COL13A1: variants seen among roughly 807,000 people sequenced by gnomAD.
COL13A1 encodes collagen alpha-1(XIII) chain.
In COL13A1, 89 loss-of-function variants were observed where a neutral mutation model predicts 130.9. The observed-to-expected ratio is 0.68, with a 90% CI of 0.57 to 0.81. The LOEUF (loss-of-function observed/expected upper bound fraction) is 0.81, where lower values mean the gene tolerates loss of function less well. Ranked by LOEUF, COL13A1 falls within the 30% of genes least tolerant of loss-of-function variation. The pLI, the probability that COL13A1 is intolerant of heterozygous loss-of-function variation, is 0.00. For missense variants in COL13A1, 879 were observed against 934.6 expected (o/e 0.94, Z 0.78); for synonymous variants, 402 against 341.6 (o/e 1.18, Z -1.95).
chr10:69,879,911 C>G (rs1225739817), intron 6 of COL13A1, among the ~76,000 whole-genome samples: 1 of 152,308 alleles, frequency 6.6e-6, no homozygotes, highest in African/African-American at 2.4e-5. Flanking sequence ...CTTTCAGGGT[C>G]AGGGATGCTG....
chr10:69,822,507 C>A, intron 2 of COL13A1, 69 bp downstream of exon 2: 1 of 1,245,318 alleles, frequency 8.0e-7, no homozygotes, highest in Non-Finnish European at 1.1e-6. Context: ...TTCCTGGTGG[C>A]CATGCTCTAG....
intron 2 of COL13A1, among the ~76,000 whole-genome samples, chr10:69,835,834 A>T (rs1446516636): frequency 6.6e-6 from 1 of 152,132 alleles, no homozygotes; most frequent in Non-Finnish European, 1.5e-5. Flanking sequence ...TAGTAATGAT[A>T]ACAACAACAT....
chr10:69,895,654 T>TG, intron 13 of COL13A1, 78 bp downstream of exon 13: 1 of 1,498,270 alleles, frequency 6.7e-7, no homozygotes, highest in Non-Finnish European at 9.3e-7. Flanking sequence ...CTCATCTCCC[T>TG]GGGGTCTCCA....
chr10:69,876,560 A>G (rs76099565), intron 5 of COL13A1, among the ~76,000 whole-genome samples: 13,753 of 152,172 alleles, frequency 0.09, 801 homozygotes, highest in Middle Eastern at 0.15. Flanking sequence ...AGAGCAGAGC[A>G]CAGTGGAATT....
rs559882654 is a variant in COL13A1, at chr10:69,811,314, T to C, written c.294+8597T>C. Among the ~76,000 whole-genome samples the C allele has an allele frequency of 1.6e-4, 24 of 152,308 alleles. No individual in the cohort carries two copies. In the South Asian group the frequency reaches 3.9e-3, roughly 25 times the overall value. ...TGTTGTGGGTCCTGAGCTTCTGCCA[T>C]AGAGGGACTTTGCACCCGCTGCCCT... On this transcript the variant is annotated intron_variant, in intron 1 of 40. Transcript: ENST00000645393.
At chr10:69,903,103 G>T (rs1306451254) in intron 15 of COL13A1, among the ~76,000 whole-genome samples, 1 of 152,180 alleles carries the variant, frequency 6.6e-6, no homozygotes, top group Non-Finnish European at 1.5e-5. Flanking sequence ...TGGCCTGCCT[G>T]CCCCGTTCCC....
chr10:69,868,331 A>G (rs1412387577), intron 3 of COL13A1, among the ~76,000 whole-genome samples: 1 of 152,102 alleles, frequency 6.6e-6, no homozygotes, highest in Non-Finnish European at 1.5e-5. Flanking sequence ...ATGGTTATGT[A>G]AGAGAGAGCG....
At chr10:69,851,364 G>A (rs759144240) in intron 2 of COL13A1, among the ~76,000 whole-genome samples, 8 of 152,172 alleles carry the variant, frequency 5.3e-5, no homozygotes, top group Non-Finnish European at 1.0e-4. Context: ...TGCCCTGGGG[G>A]AAAATGCCAA....
rs536185562 is a variant in COL13A1 at position 69,832,842 on chromosome 10, G to A, written c.364+10404G>A. 5.9e-5 allele frequency among the ~76,000 whole-genome samples: 9 copies of A among 152,338 alleles called. No homozygotes were observed. In the South Asian group the frequency reaches 1.9e-3, roughly 32 times the overall value. On this transcript the variant is annotated intron_variant, in intron 2 of 40. Transcript: ENST00000645393. ...GACTTGCCTTAAAGGCTGTGTTTGT[G>A]CCCCTTCTCCAGACAGAGTCGGGCA...
rs538394896 is a variant in COL13A1 at position 69,929,067 on chromosome 10, C to G, written c.1485+68C>G. The G allele has an allele frequency of 9.9e-5, 125 of 1,259,558 alleles. 1 individual carries two copies. In the South Asian group the frequency reaches 1.2e-3, roughly 12 times the overall value. 78.0% of individuals were successfully genotyped at this position (1,259,558 alleles called of 1,614,324 possible). A position where few individuals can be genotyped will look rare whatever the true frequency, so the allele number is the denominator to read the frequency against. On this transcript the variant is annotated intron_variant, in intron 28 of 40. Transcript: ENST00000645393. Reference sequence around the variant, plus strand: ...CATCGACCCCAGGGCTTCCCCTCCCCCTGTGACCCTCTCATCTTCCCAGCA... The same window carrying G: ...CATCGACCCCAGGGCTTCCCCTCCCGCTGTGACCCTCTCATCTTCCCAGCA...
intron 4 of COL13A1, among the ~76,000 whole-genome samples, chr10:69,872,947 C>T (rs1043811210): frequency 5.3e-5 from 8 of 152,232 alleles, no homozygotes; most frequent in African/African-American, 1.9e-4. Flanking sequence ...CTGTGCTCCA[C>T]CTTCAAAACC....
rs376391149 is a variant in COL13A1, at chr10:69,958,706, T to G, written c.*5T>G. On this transcript the variant is annotated 3_prime_UTR_variant, in exon 41 of 41. Coordinates refer to ENST00000645393, the MANE Select transcript of COL13A1 (RefSeq NM_001368882.1). ...TTTGTTTTTGTTTTGCAGTGATGCC[T>G]CTAACCTTGGATTGGCCTGTGTGTG... 2.0e-5 allele frequency: 33 copies of G among 1,613,968 alleles called. No homozygotes were observed. Among genetic ancestry groups the G allele is most frequent in the Non-Finnish European group, 2.7e-5 (32 of 1,179,886 alleles).
At chr10:69,840,144 A>T in intron 2 of COL13A1, among the ~76,000 whole-genome samples, 1 of 152,130 alleles carries the variant, frequency 6.6e-6, no homozygotes, top group Admixed American at 6.6e-5. Flanking sequence ...AGAGATGGAG[A>T]GAAACCAGGC....
At chr10:69,869,336 GT>G (rs11342895) in intron 3 of COL13A1, among the ~76,000 whole-genome samples, 36,582 of 152,084 alleles carry the variant, frequency 0.24, 4,454 homozygotes, top group Middle Eastern at 0.3. Context: ...CCTTTGCCCA[GT>G]GCTGGCTGAA....
chr10:69,872,049 C>G (rs376193153), intron 3 of COL13A1, 135 bp from the exon 4 acceptor site: 1 of 990,506 alleles, frequency 1.0e-6, no homozygotes, highest in Non-Finnish European at 1.5e-6. Flanking sequence ...CAAGGCTCCC[C>G]CTTCGTTTTG....
intron 14 of COL13A1, among the ~76,000 whole-genome samples, chr10:69,901,915 G>A (rs1040213401): frequency 1.4e-4 from 21 of 152,146 alleles, no homozygotes; most frequent in African/African-American, 4.6e-4. Flanking sequence ...GCCTCCCCAC[G>A]CAGCATAAAG....
At chr10:69,857,851 C>T (rs1428386350) in intron 2 of COL13A1, among the ~76,000 whole-genome samples, 3 of 152,188 alleles carry the variant, frequency 2.0e-5, no homozygotes, top group Non-Finnish European at 2.9e-5. Context: ...GGCGCGGTGG[C>T]TCGTGCCTGT....
At chr10:69,905,447 A>G (rs2062654523) in intron 16 of COL13A1, among the ~76,000 whole-genome samples, 1 of 152,206 alleles carries the variant, frequency 6.6e-6, no homozygotes, top group East Asian at 1.9e-4. Flanking sequence ...GTGCCTAACT[A>G]TCTTATAAAT....
At chr10:69,888,206 C>T in intron 8 of COL13A1, 98 bp from the exon 9 acceptor site, 1 of 1,440,242 alleles carries the variant, frequency 6.9e-7, no homozygotes, top group Non-Finnish European at 9.6e-7. Context: ...TCCAACTTAT[C>T]AGAATCCAGA....
Sources: gnomAD v4.1 joint callset for allele counts (sites outside exome capture counted in the v4.1 genomes callset) on GRCh38, gnomAD v4.1.1 for gene constraint, MANE v1.5 for transcripts, NCBI Gene and HGNC (gene_info 2026-07-23, HGNC 2026-07-21) for gene names.